Variants in DCC observed in about 807,000 individuals in gnomAD.
The protein encoded by DCC is DCC netrin 1 receptor.
Under a neutral mutation model 172.5 loss-of-function variants are expected in DCC, and 58 were observed. The observed-to-expected ratio is 0.34, with a 90% CI of 0.27 to 0.42. The LOEUF is 0.42. DCC is among the 10% of genes least tolerant of loss of function. The pLI is 1.00. For missense variants in DCC, 1,740 were observed against 1,791.0 expected (o/e 0.97, Z 0.51); for synonymous variants, 709 against 644.5 (o/e 1.10, Z -1.52).
chr18:53,461,696 T>C (rs920189466), intron 24 of DCC, among the ~76,000 whole-genome samples: 2 of 152,260 alleles, frequency 1.3e-5, no homozygotes, highest in African/African-American at 2.4e-5. Flanking sequence ...AATACAAGTA[T>C]TGACTGTCAA....
intron 12 of DCC, among the ~76,000 whole-genome samples, chr18:53,289,507 G>T (rs865832939): frequency 2.0e-5 from 3 of 152,122 alleles, no homozygotes; most frequent in Middle Eastern, 3.4e-3. Flanking sequence ...TCTTTCACTG[G>T]AAAGAATCAA....
intron 5 of DCC, among the ~76,000 whole-genome samples, chr18:52,927,421 A>G (rs1177380120): frequency 6.6e-6 from 1 of 151,870 alleles, no homozygotes; most frequent in East Asian, 1.9e-4. Flanking sequence ...CACTACAGGC[A>G]GTGCATTTCT....
intron 5 of DCC, among the ~76,000 whole-genome samples, chr18:52,986,782 T>C (rs1028984326): frequency 8.1e-5 from 12 of 148,200 alleles, no homozygotes; most frequent in Non-Finnish European, 1.5e-5. Flanking sequence ...CACATACATA[T>C]GCATATATAT....
At chr18:52,370,356 A>C (rs1985061848) in intron 1 of DCC, among the ~76,000 whole-genome samples, 1 of 152,350 alleles carries the variant, frequency 6.6e-6, no homozygotes, top group East Asian at 1.9e-4. Context: ...GACTGGATAA[A>C]GAAAATGTGG....
intron 2 of DCC, among the ~76,000 whole-genome samples, chr18:52,776,667 G>C (rs189785177): frequency 1.3e-5 from 2 of 152,220 alleles, no homozygotes; most frequent in East Asian, 1.9e-4. Context: ...TCTACTATAC[G>C]ATTTAAGAAA....
chr18:52,435,303 G>A (rs1399164311), intron 1 of DCC, among the ~76,000 whole-genome samples: 3 of 150,456 alleles, frequency 2.0e-5, no homozygotes, highest in Admixed American at 1.3e-4. Flanking sequence ...GTGTGTGCAC[G>A]TGTGTGTGTG....
chr18:53,262,415 G>A (rs1419719366), intron 12 of DCC, among the ~76,000 whole-genome samples: 1 of 152,060 alleles, frequency 6.6e-6, no homozygotes, highest in African/African-American at 2.4e-5. Context: ...TAGATAAAAT[G>A]AGTTTTATAT....
At chr18:52,414,182 G>A (rs1409478109) in intron 1 of DCC, among the ~76,000 whole-genome samples, 1 of 152,122 alleles carries the variant, frequency 6.6e-6, no homozygotes, top group Admixed American at 6.6e-5. Context: ...CTGGGTTCAA[G>A]TGATTCTCCT....
At chr18:52,668,796 G>C (rs1768627392) in intron 1 of DCC, among the ~76,000 whole-genome samples, 1 of 152,152 alleles carries the variant, frequency 6.6e-6, no homozygotes, top group Non-Finnish European at 1.5e-5. Flanking sequence ...TTCTACCATG[G>C]TTGGTTGGCT....
intron 13 of DCC, among the ~76,000 whole-genome samples, chr18:53,312,620 G>A (rs1291074655): frequency 6.6e-6 from 1 of 150,956 alleles, no homozygotes; most frequent in Admixed American, 6.6e-5. Context: ...CAGGAGGTCA[G>A]GAGATCGAGA....
intron 12 of DCC, among the ~76,000 whole-genome samples, chr18:53,222,621 C>T (rs2055958621): frequency 6.6e-6 from 1 of 151,732 alleles, no homozygotes; most frequent in African/African-American, 2.4e-5. Flanking sequence ...TTCCTGACCT[C>T]GTGATCTGCC....
chr18:53,238,048 C>T (rs2056231621), intron 12 of DCC, among the ~76,000 whole-genome samples: 1 of 152,126 alleles, frequency 6.6e-6, no homozygotes, highest in African/African-American at 2.4e-5. Context: ...TGTGCTTGAC[C>T]TTCACAGGAT....
chr18:52,978,615 G>A (rs942239622), intron 5 of DCC, among the ~76,000 whole-genome samples: 4 of 152,182 alleles, frequency 2.6e-5, no homozygotes, highest in Non-Finnish European at 4.4e-5. Flanking sequence ...AGACCACACA[G>A]TTCGTAAATA....
chr18:52,537,840 C>T (rs1447871585), intron 1 of DCC, among the ~76,000 whole-genome samples: 2 of 152,104 alleles, frequency 1.3e-5, no homozygotes, highest in Non-Finnish European at 2.9e-5. Context: ...TTTTATATCT[C>T]CCCCCATACC....
intron 1 of DCC, among the ~76,000 whole-genome samples, chr18:52,736,417 C>T (rs2036730818): frequency 1.3e-5 from 2 of 151,950 alleles, no homozygotes; most frequent in African/African-American, 4.8e-5. Context: ...CATCTTTGTG[C>T]AAGAGAATGG....
chr18:52,497,318 C>T (rs1271565076), intron 1 of DCC, among the ~76,000 whole-genome samples: 31 of 37,068 alleles, frequency 8.4e-4, no homozygotes, highest in Non-Finnish European at 1.1e-3. Context: ...TATATATACA[C>T]ACACACATAT....
chr18:52,465,567 A>G (rs1043007602), intron 1 of DCC, among the ~76,000 whole-genome samples: 2 of 152,126 alleles, frequency 1.3e-5, no homozygotes, highest in African/African-American at 4.8e-5. Context: ...GGGCTTCACA[A>G]TAGATCCCCA....
At chr18:53,521,448 T>C (rs183194179) in intron 27 of DCC, among the ~76,000 whole-genome samples, 96 of 152,260 alleles carry the variant, frequency 6.3e-4, no homozygotes, top group South Asian at 2.1e-3. Flanking sequence ...AGAATGTATT[T>C]CCATCGTGAT....
chr18:53,516,191 C>T (rs1053815129), intron 27 of DCC, among the ~76,000 whole-genome samples: 32 of 151,104 alleles, frequency 2.1e-4, no homozygotes, highest in African/African-American at 7.9e-4. Flanking sequence ...GAAAAACAAG[C>T]AATGGGGAAA....
Sources: allele counts gnomAD v4.1 joint callset (sites outside exome capture counted in the v4.1 genomes callset), GRCh38; gene constraint gnomAD v4.1.1; transcripts MANE v1.5; gene names NCBI Gene and HGNC (gene_info 2026-07-23, HGNC 2026-07-21).